CDKL2: variants seen among roughly 807,000 people sequenced by gnomAD.
CDKL2 encodes cyclin-dependent kinase-like 2.
A neutral mutation model predicts 63.9 loss-of-function variants in CDKL2; 64 were observed. That is an observed-to-expected ratio of 1.00 (90% CI 0.82 to 1.23). CDKL2 has a LOEUF of 1.23. Ranked by LOEUF, CDKL2 falls within the 50% of genes most tolerant of loss-of-function variation. The pLI is 0.00. For synonymous variants in CDKL2, 211 were observed against 229.2 expected (o/e 0.92, Z 0.72); for missense variants, 656 against 668.0 (o/e 0.98, Z 0.20).
chr4:75,605,356 AACACACACACAC>A (rs140806852), intron 5 of CDKL2, among the ~76,000 whole-genome samples, 154 bp downstream of exon 5: 14 of 149,468 alleles, frequency 9.4e-5, no homozygotes, highest in South Asian at 4.2e-4. Context: ...TCCATCTCAA[AACACACACACAC>A]ACACACACAC....
intron 3 of CDKL2, among the ~76,000 whole-genome samples, chr4:75,612,913 A>G (rs1729765141): frequency 6.6e-6 from 1 of 152,196 alleles, no homozygotes; most frequent in Admixed American, 6.5e-5. Flanking sequence ...TCACGAGGTC[A>G]GAAGATCGAG....
At chr4:75,602,302 C>G (rs1332294098) in intron 6 of CDKL2, among the ~76,000 whole-genome samples, 1 of 152,096 alleles carries the variant, frequency 6.6e-6, no homozygotes, top group African/African-American at 2.4e-5. Flanking sequence ...GCCTCACCTT[C>G]CCGAGTAGCG....
intron 12 of CDKL2, among the ~76,000 whole-genome samples, 191 bp downstream of exon 12, chr4:75,591,628 A>C (rs1356677140): frequency 1.3e-5 from 2 of 152,140 alleles, no homozygotes; most frequent in Non-Finnish European, 2.9e-5. Context: ...GAAGTTAGGA[A>C]ATGTTTATGT....
At chr4:75,582,438 T>C (rs1728301313) in intron 12 of CDKL2, among the ~76,000 whole-genome samples, 1 of 152,082 alleles carries the variant, frequency 6.6e-6, no homozygotes, top group South Asian at 2.1e-4. Flanking sequence ...GATGATAAAG[T>C]AAAAAGTCAG....
chr4:75,624,744 G>C (rs1730324336), intron 2 of CDKL2, among the ~76,000 whole-genome samples: 1 of 151,840 alleles, frequency 6.6e-6, no homozygotes, highest in Admixed American at 6.6e-5. Flanking sequence ...TGTAGTCCCA[G>C]CTGCTTGGGA....
In CDKL2 at chr4:75,591,934, A is replaced by C; in HGVS notation, c.1541-9T>G. 6.6e-7 allele frequency: 1 copy of C among 1,524,774 alleles called. No individual in the cohort carries two copies. Among genetic ancestry groups the C allele is most frequent in the Non-Finnish European group, 8.8e-7 (1 of 1,136,856 alleles). The allele number at this position is 1,524,774 out of a possible 1,614,324, so 94.5% of individuals were successfully genotyped here. A position where few individuals can be genotyped will look rare whatever the true frequency, so the allele number is the denominator to read the frequency against. ...TAGCCTGGAATTTCGAGCTAGATAGAAATGACCATAAACACAGTGAAAATA... is the reference window on the plus strand; with the variant it reads ...TAGCCTGGAATTTCGAGCTAGATAGCAATGACCATAAACACAGTGAAAATA... On this transcript the variant is annotated splice_polypyrimidine_tract_variant and intron_variant, in intron 11 of 13. Coordinates refer to ENST00000307465, the MANE Select transcript of CDKL2 (RefSeq NM_001330724.2).
intron 10 of CDKL2, among the ~76,000 whole-genome samples, chr4:75,594,674 A>G (rs1728843403): frequency 1.3e-5 from 2 of 152,198 alleles, no homozygotes; most frequent in East Asian, 3.9e-4. Context: ...AAGACTTCAC[A>G]GTAAGGTTTC....
At chr4:75,614,757 A>C (rs1729852508) in intron 2 of CDKL2, among the ~76,000 whole-genome samples, 1 of 151,818 alleles carries the variant, frequency 6.6e-6, no homozygotes, top group South Asian at 2.1e-4. Flanking sequence ...ATGAGATGGG[A>C]CTACTAAATC....
In CDKL2 at chr4:75,619,756, T is replaced by TA. The variant is rs574069071; in HGVS notation, c.169-5308dup. ...TCCAGTTCTAATATCACAAAGTAGG[T>TA]AAAAAAAAGGAGTGATTTGGAGTTG... On this transcript the variant is annotated intron_variant, in intron 2 of 13. Transcript: ENST00000307465. Among the ~76,000 whole-genome samples the TA allele has an allele frequency of 5.1e-4, 77 of 151,600 alleles. 1 individual carries two copies. Among genetic ancestry groups the TA allele is most frequent in the East Asian group, 1.9e-3 (10 of 5,154 alleles).
chr4:75,580,258 C>T (rs1320090488), intron 13 of CDKL2, among the ~76,000 whole-genome samples: 2 of 147,366 alleles, frequency 1.4e-5, no homozygotes. Context: ...GACACCGTCT[C>T]AAAAAAATAA....
chr4:75,599,935 T>C (rs1465500031), intron 7 of CDKL2, among the ~76,000 whole-genome samples: 2 of 152,232 alleles, frequency 1.3e-5, no homozygotes, highest in Non-Finnish European at 1.5e-5. Context: ...TTGGCAGCAA[T>C]AGGAGATGGC....
intron 2 of CDKL2, among the ~76,000 whole-genome samples, chr4:75,616,025 T>G (rs1729911171): frequency 6.6e-6 from 1 of 151,976 alleles, no homozygotes; most frequent in Non-Finnish European, 1.5e-5. Context: ...AACAAAACAC[T>G]AAAGTAAATA....
intron 2 of CDKL2, among the ~76,000 whole-genome samples, chr4:75,618,511 C>T (rs1028048085): frequency 1.3e-5 from 2 of 151,962 alleles, no homozygotes; most frequent in Non-Finnish European, 2.9e-5. Context: ...GCCTTGGCCT[C>T]CCAAAGTGCT....
chr4:75,614,554 G>GT, intron 2 of CDKL2, 105 bp from the exon 3 acceptor site: 1 of 689,302 alleles, frequency 1.5e-6, no homozygotes. Context: ...AGATCTCAGC[G>GT]TAAGAAAAAT....
chr4:75,619,578 A>T (rs1233175597), intron 2 of CDKL2, among the ~76,000 whole-genome samples: 66 of 31,858 alleles, frequency 2.1e-3, no homozygotes, highest in African/African-American at 0.011. Flanking sequence ...ACAGCTGTAT[A>T]AAAAAAAAAA....
intron 10 of CDKL2, among the ~76,000 whole-genome samples, chr4:75,594,587 G>A (rs948289181): frequency 1.1e-4 from 16 of 151,966 alleles, no homozygotes; most frequent in Middle Eastern, 3.4e-3. Context: ...GTATATAGAC[G>A]ATGTCAGGTA....
intron 3 of CDKL2, among the ~76,000 whole-genome samples, chr4:75,612,425 G>A (rs897791118): frequency 7.2e-5 from 11 of 152,186 alleles, no homozygotes; most frequent in African/African-American, 2.7e-4. Context: ...GGACACAGAA[G>A]CAATGTAGGC....
At chr4:75,583,109 C>A (rs752149473) in intron 12 of CDKL2, among the ~76,000 whole-genome samples, 2 of 152,082 alleles carry the variant, frequency 1.3e-5, no homozygotes, top group Admixed American at 6.5e-5. Flanking sequence ...GAAGAGAGAC[C>A]GACAGAAATG....
At chr4:75,580,491 C>A (rs777560965) in intron 13 of CDKL2, among the ~76,000 whole-genome samples, 1 of 151,458 alleles carries the variant, frequency 6.6e-6, no homozygotes, top group Non-Finnish European at 1.5e-5. Flanking sequence ...CATGGTGAAA[C>A]CCCATCTCTA....
Sources: allele counts gnomAD v4.1 joint callset (sites outside exome capture counted in the v4.1 genomes callset), GRCh38; gene constraint gnomAD v4.1.1; transcripts MANE v1.5; gene names NCBI Gene and HGNC (gene_info 2026-07-23, HGNC 2026-07-21).